The following CEP162 variants were observed in gnomAD, a reference collection of about 807,000 sequenced individuals.
CEP162 encodes the protein centrosomal protein 162.
A neutral mutation model predicts 169.2 loss-of-function variants in CEP162; 141 were observed. The observed-to-expected ratio is 0.83, with a 90% CI of 0.73 to 0.96. CEP162 has a LOEUF of 0.96. Among genes scored for constraint, CEP162 ranks in the 40% least tolerant of loss-of-function variants. CEP162 has a pLI of 0.00. For missense variants in CEP162, 1,600 were observed against 1,587.2 expected, an observed-to-expected ratio of 1.01 and a Z score of -0.14; for synonymous variants, 540 against 526.4, an observed-to-expected ratio of 1.03 and a Z score of -0.35.
rs1436195993 is a variant in CEP162 at position 84,215,400 on chromosome 6, C to G, written c.385G>C (p.Glu129Gln). ...CTGGCAAAAAATTGTTCTTTCTCCTCTTGTTCTTCTAATGTGTCCAATCCC... is the reference window on the plus strand; with the variant it reads ...CTGGCAAAAAATTGTTCTTTCTCCTGTTGTTCTTCTAATGTGTCCAATCCC... ...GVGLDTLEEQ[E>Q]EKEQFFARLE... Residue 129 changes from glutamate to glutamine, a missense_variant, in exon 5 of 27, where the codon GAG becomes CAG. By Grantham distance (29) the Glu-to-Gln change is conservative (BLOSUM62 2). Transcript: ENST00000403245. 2.5e-6 allele frequency: 4 copies of G among 1,610,612 alleles called. No homozygotes were observed. The Admixed American group carries it at 6.7e-5, about 27-fold the overall frequency.
chr6:84,174,925 C>A lies in CEP162; in HGVS notation c.1827G>T (p.Lys609Asn). ...TTTTAAACATAAGTAATTTCTTCTC[C>A]TTGTTCTCACCACAGTATCCTAAGG... is the stretch of plus-strand genomic sequence containing the variant. ...TDSLGYCGEN[K>N]EKKLLMFKRV... The change falls in exon 15 of 27, where the codon AAG becomes AAT. Residue 609 changes from lysine (K) to asparagine (N), a missense_variant. Physicochemically the swap from Lys to Asn is moderately conservative, Grantham distance 94. Transcript: ENST00000403245. The A allele has an allele frequency of 6.3e-7, 1 of 1,590,886 alleles. No homozygotes were observed. Among genetic ancestry groups the A allele is most frequent in the Non-Finnish European group, 8.6e-7 (1 of 1,168,168 alleles).
intron 21 of CEP162, among the ~76,000 whole-genome samples, chr6:84,156,772 A>AC (rs58967176): frequency 0.1 from 15,693 of 151,312 alleles, 2,253 homozygotes; most frequent in African/African-American, 0.33. Flanking sequence ...ACACACACAC[A>AC]AACACACTAT....
chr6:84,149,528 T>TGAGG (rs752523174), intron 24 of CEP162, 34 bp downstream of exon 24: 3 of 1,517,952 alleles, frequency 2.0e-6, no homozygotes, highest in Non-Finnish European at 2.7e-6. Flanking sequence ...ACGAGTTTAT[T>TGAGG]CAAGTCAAAA....
chr6:84,215,603 C>G, intron 4 of CEP162, 138 bp from the exon 5 acceptor site: 1 of 1,146,882 alleles, frequency 8.7e-7, no homozygotes, highest in Non-Finnish European at 1.2e-6. Context: ...AATATGAATT[C>G]ATATTAATAA....
At chr6:84,150,055 T>C (rs182836732) in intron 23 of CEP162, among the ~76,000 whole-genome samples, 30 of 152,242 alleles carry the variant, frequency 2.0e-4, no homozygotes, top group African/African-American at 7.0e-4. Context: ...GCCCAGATGC[T>C]TCTTTGGAAA....
At chr6:84,168,542 G>A (rs1320875610) in intron 18 of CEP162, among the ~76,000 whole-genome samples, 5 of 152,108 alleles carry the variant, frequency 3.3e-5, no homozygotes, top group Non-Finnish European at 7.4e-5. Context: ...TTCTCAAAGG[G>A]AGGGGTGGGA....
chr6:84,205,773 T>C (rs1260673362), intron 6 of CEP162, among the ~76,000 whole-genome samples: 1 of 151,728 alleles, frequency 6.6e-6, no homozygotes, highest in Non-Finnish European at 1.5e-5. Flanking sequence ...AAAGAGGAAG[T>C]CAAATTGTCC....
chr6:84,169,572 A>G, intron 17 of CEP162, 139 bp from the exon 18 acceptor site: 1 of 509,314 alleles, frequency 2.0e-6, no homozygotes, highest in Non-Finnish European at 3.4e-6. Context: ...TTTTCATTTA[A>G]TCTAAAGATT....
chr6:84,191,497 CT>C (rs1382354582), intron 11 of CEP162, among the ~76,000 whole-genome samples: 1 of 152,216 alleles, frequency 6.6e-6, no homozygotes, highest in Non-Finnish European at 1.5e-5. Context: ...TTTCCTCATA[CT>C]TTTCCTTGCT....
intron 13 of CEP162, among the ~76,000 whole-genome samples, chr6:84,182,749 G>A (rs1245617292): frequency 6.6e-6 from 1 of 152,160 alleles, no homozygotes; most frequent in Non-Finnish European, 1.5e-5. Flanking sequence ...GAAAGACAAA[G>A]GGATCTGGTT....
Position 84,152,922 on chromosome 6 carries a change from T to C in CEP162, c.3252A>G (p.Lys1084=). ...IEFQVEQAHA[K]AKLVRLNEEL... ...CTTCATTGAGTCTTACTAATTTAGC[T>C]TTAGCATGAGCCTGTTCCACCTGGA... is the stretch of plus-strand genomic sequence containing the variant. Residue 1084 remains lysine (K), a synonymous_variant, in exon 23 of 27, where the codon AAA becomes AAG. Transcript: ENST00000403245. 6.2e-7 allele frequency: 1 copy of C among 1,613,794 alleles called. No homozygotes were observed. The highest frequency in any genetic ancestry group is 8.5e-7 in the Non-Finnish European group (1 of 1,179,800).
intron 12 of CEP162, 92 bp downstream of exon 12, chr6:84,186,240 G>C: frequency 1.4e-6 from 1 of 701,792 alleles, no homozygotes; most frequent in South Asian, 2.0e-5. Flanking sequence ...AATCCCACTA[G>C]TTTAAAAAGC....
chr6:84,158,406 T>C (rs190167007), intron 21 of CEP162, among the ~76,000 whole-genome samples: 12 of 152,254 alleles, frequency 7.9e-5, no homozygotes, highest in Non-Finnish European at 1.5e-5. Context: ...GCCCAGCATA[T>C]AGTGAGGGCT....
intron 6 of CEP162, among the ~76,000 whole-genome samples, chr6:84,207,845 A>G (rs931756291): frequency 2.0e-5 from 3 of 152,154 alleles, no homozygotes; most frequent in African/African-American, 7.2e-5. Context: ...TTATATTATT[A>G]ACCAAATAAA....
chr6:84,221,188 A>G lies in CEP162; in HGVS notation c.58-17T>C. The G allele has an allele frequency of 8.3e-7, 1 of 1,199,516 alleles. No individual in the cohort carries two copies. The highest frequency in any genetic ancestry group is 1.2e-6 in the Non-Finnish European group (1 of 809,766). The allele number at this position is 1,199,516 out of a possible 1,614,324, so 74.3% of individuals were successfully genotyped here. The stretch of plus-strand genomic sequence containing the variant: ...ATCTGAAAGCTGAATTAGATATAAG[A>G]CATTCAATTTGAAAATACAGTGTAA... On this transcript the variant is annotated splice_polypyrimidine_tract_variant and intron_variant, in intron 2 of 26. Transcript: ENST00000403245.
At chr6:84,129,176 G>A (rs775752233) in intron 25 of CEP162, among the ~76,000 whole-genome samples, 6 of 152,128 alleles carry the variant, frequency 3.9e-5, no homozygotes, top group Non-Finnish European at 8.8e-5. Context: ...CTTAATAGTA[G>A]AATGATTTAT....
At chr6:84,215,247 C>A (rs1430173866) in intron 5 of CEP162, 35 bp downstream of exon 5, 7 of 1,214,974 alleles carry the variant, frequency 5.8e-6, no homozygotes, top group Non-Finnish European at 7.7e-6. Flanking sequence ...ACATAGAAAT[C>A]ATAAAAATCA....
intron 6 of CEP162, 128 bp from the exon 7 acceptor site, chr6:84,204,224 A>C (rs1044135889): frequency 1.1e-5 from 6 of 560,660 alleles, no homozygotes; most frequent in African/African-American, 7.7e-5. Context: ...TAACATAAAG[A>C]TGTCTTTAGA....
At chr6:84,178,846 T>C (rs1356670623) in intron 13 of CEP162, among the ~76,000 whole-genome samples, 2 of 152,130 alleles carry the variant, frequency 1.3e-5, no homozygotes, top group Non-Finnish European at 2.9e-5. Context: ...GTATGTGCTG[T>C]TCCCCTTCCT....
Sources: allele counts gnomAD v4.1 joint callset (sites outside exome capture counted in the v4.1 genomes callset), GRCh38; gene constraint gnomAD v4.1.1; transcripts MANE v1.5; gene names NCBI Gene and HGNC (gene_info 2026-07-23, HGNC 2026-07-21).